The following SHLD2 variants were observed in gnomAD, a reference collection of about 807,000 sequenced individuals.
SHLD2 encodes shieldin complex subunit 2.
SHLD2 carries 30 observed loss-of-function variants against 73.2 expected under a neutral mutation model. That is an observed-to-expected ratio of 0.41 (90% CI 0.31 to 0.56). SHLD2 has a LOEUF of 0.56. Among genes scored for constraint, SHLD2 ranks in the 20% least tolerant of loss-of-function variants. The pLI, the probability that SHLD2 is intolerant of heterozygous loss-of-function variation, is 0.28. For missense variants in SHLD2, 745 were observed against 1,055.9 expected (o/e 0.71, Z 4.08); for synonymous variants, 285 against 370.1 (o/e 0.77, Z 2.64).
intron 1 of SHLD2, 64 bp from the exon 2 acceptor site, chr10:87,096,870 T>TA (rs1652551112): frequency 6.6e-6 from 1 of 152,242 alleles, no homozygotes; most frequent in African/African-American, 2.4e-5. Context: ...AGGTGGAACT[T>TA]ATATTTTACC....
At chr10:87,149,959 A>C (rs1454000435) in intron 2 of SHLD2, among the ~76,000 whole-genome samples, 2 of 152,078 alleles carry the variant, frequency 1.3e-5, no homozygotes, top group Non-Finnish European at 2.9e-5. Context: ...TATGTTGTCC[A>C]AGCTGGCCTC....
At chr10:87,115,729 T>C (rs61858894) in intron 2 of SHLD2, among the ~76,000 whole-genome samples, 15,940 of 152,172 alleles carry the variant, frequency 0.1, 967 homozygotes, top group Admixed American at 0.15. Context: ...AGGTCAAGAA[T>C]TCTAAGCTAG....
chr10:87,156,004 T>A (rs1846394109), intron 3 of SHLD2, among the ~76,000 whole-genome samples: 1 of 151,952 alleles, frequency 6.6e-6, no homozygotes, highest in Non-Finnish European at 1.5e-5. Flanking sequence ...GGCAGTGAAC[T>A]TAGTTGGATA....
At chr10:87,125,477 T>A (rs1843931436) in intron 2 of SHLD2, among the ~76,000 whole-genome samples, 3 of 152,258 alleles carry the variant, frequency 2.0e-5, no homozygotes. Flanking sequence ...GGCTGACGCC[T>A]GTAATCCTAG....
intron 2 of SHLD2, among the ~76,000 whole-genome samples, chr10:87,135,248 A>C (rs1350620626): frequency 6.6e-6 from 1 of 151,884 alleles, no homozygotes; most frequent in Non-Finnish European, 1.5e-5. Flanking sequence ...ACTAAAGTCC[A>C]TACTTTATTT....
intron 7 of SHLD2, among the ~76,000 whole-genome samples, chr10:87,178,781 A>G (rs12243585): frequency 0.037 from 5,608 of 152,254 alleles, 332 homozygotes; most frequent in African/African-American, 0.12. Context: ...GTGGTATTGA[A>G]TCTTCTACAG....
At chr10:87,105,359 T>C (rs553271662) in intron 2 of SHLD2, among the ~76,000 whole-genome samples, 1 of 152,308 alleles carries the variant, frequency 6.6e-6, no homozygotes, top group Admixed American at 6.5e-5. Flanking sequence ...AAACAGACTT[T>C]AGGTGAAGCA....
In SHLD2 at chr10:87,152,101, C is replaced by T. The variant is rs1846057209; in HGVS notation, c.747C>T (p.Ser249=). ...DTEFLSIITS[S]QVAFLAQKKD... ...AATTTCTCAGTATAATTACCTCCAG[C>T]CAGGTTGCTTTTTTAGCTCAAAAGA... The change falls in exon 3 of 10, where the codon AGC becomes AGT. Residue 249 remains serine (S), a synonymous_variant. Coordinates refer to ENST00000298786, the MANE Select transcript of SHLD2 (RefSeq NM_001330112.2). 1 of 1,611,846 alleles carries T rather than the reference C, an allele frequency of 6.2e-7. No individual in the cohort carries two copies. Among genetic ancestry groups the T allele is most frequent in the East Asian group, 2.2e-5 (1 of 44,858 alleles).
intron 4 of SHLD2, among the ~76,000 whole-genome samples, chr10:87,159,116 G>A (rs1846635015): frequency 6.6e-6 from 1 of 152,104 alleles, no homozygotes. Context: ...GATTATACAA[G>A]AAGATAACTG....
At chr10:87,101,763 A>G (rs984549779) in intron 2 of SHLD2, among the ~76,000 whole-genome samples, 2 of 152,074 alleles carry the variant, frequency 1.3e-5, no homozygotes, top group Non-Finnish European at 2.9e-5. Flanking sequence ...ACAACAAATT[A>G]ATTAGCTGGT....
chr10:87,159,714 G>A (rs951208427), intron 4 of SHLD2, among the ~76,000 whole-genome samples: 10 of 152,124 alleles, frequency 6.6e-5, no homozygotes, highest in Non-Finnish European at 1.5e-4. Flanking sequence ...TGATGATGTG[G>A]GTCTGGGGAT....
At chr10:87,095,328 C>T (rs1473648610) in intron 1 of SHLD2, 80 bp downstream of exon 1, 1 of 151,976 alleles carries the variant, frequency 6.6e-6, no homozygotes, top group Non-Finnish European at 1.5e-5. Context: ...CTCTGTAGGG[C>T]GCTCAGAGGC....
At chr10:87,097,802 C>T (rs565931270) in intron 2 of SHLD2, among the ~76,000 whole-genome samples, 2 of 152,056 alleles carry the variant, frequency 1.3e-5, no homozygotes, top group African/African-American at 2.4e-5. Flanking sequence ...CTCTGTTGCC[C>T]ATGCTGGAGT....
chr10:87,163,484 C>G (rs9420461), intron 4 of SHLD2, among the ~76,000 whole-genome samples: 5 of 152,064 alleles, frequency 3.3e-5, no homozygotes, highest in African/African-American at 1.2e-4. Context: ...TACACAGAAG[C>G]GGGTGGGGAA....
chr10:87,142,031 A>C (rs1239960807), intron 2 of SHLD2, among the ~76,000 whole-genome samples: 1 of 77,688 alleles, frequency 1.3e-5, no homozygotes, highest in Non-Finnish European at 2.9e-5. Flanking sequence ...ACTCCATCTC[A>C]AAAAAAAAAA....
chr10:87,152,265 A>T lies in SHLD2; in HGVS notation c.911A>T (p.Gln304Leu), dbSNP rs761750582. The change falls in exon 3 of 10, where the codon CAA (glutamine) becomes CTA (leucine). Residue 304 changes from glutamine to leucine, a missense_variant. Transcript: ENST00000298786. ...TTTACAGAAGCATATGAAAGTGGAC[A>T]AAACCAAGCATATTCCCTTGAACTT... ...DGFTEAYESG[Q>L]NQAYSLELFS... The T allele has an allele frequency of 6.5e-7, 1 of 1,550,060 alleles. No homozygotes were observed. The highest frequency in any genetic ancestry group is 8.8e-7 in the Non-Finnish European group (1 of 1,137,832).
intron 9 of SHLD2, among the ~76,000 whole-genome samples, chr10:87,189,978 CAG>C (rs947440317): frequency 3.3e-5 from 5 of 152,088 alleles, no homozygotes; most frequent in Non-Finnish European, 7.4e-5. Context: ...TTTCTTGTGT[CAG>C]GGGGATCACA....
At chr10:87,118,126 T>C (rs7072149) in intron 2 of SHLD2, among the ~76,000 whole-genome samples, 101,025 of 152,106 alleles carry the variant, frequency 0.66, 33,987 homozygotes, top group East Asian at 0.84. Flanking sequence ...TCATTTAAGT[T>C]ACACTGCTAA....
chr10:87,108,703 TC>T (rs1409182657), intron 2 of SHLD2, among the ~76,000 whole-genome samples: 1 of 152,248 alleles, frequency 6.6e-6, no homozygotes, highest in Non-Finnish European at 1.5e-5. Context: ...GGATAAAAAG[TC>T]AGTAGCTTCT....
Sources: allele counts gnomAD v4.1 joint callset (sites outside exome capture counted in the v4.1 genomes callset), GRCh38; gene constraint gnomAD v4.1.1; transcripts MANE v1.5; gene names NCBI Gene and HGNC (gene_info 2026-07-23, HGNC 2026-07-21).